CCDC68: variants seen among roughly 807,000 people sequenced by gnomAD.
CCDC68 encodes the protein coiled-coil domain-containing protein 68.
In CCDC68, 45 loss-of-function variants were observed where a neutral mutation model predicts 47.1. The observed-to-expected ratio is 0.96, with a 90% confidence interval of 0.75 to 1.23. CCDC68 has a LOEUF of 1.23. CCDC68 is among the 50% of genes most tolerant of loss of function. The pLI is 0.00. For synonymous variants in CCDC68, 131 were observed against 129.5 expected (o/e 1.01, Z -0.08); for missense variants, 353 against 373.6 (o/e 0.94, Z 0.45).
chr18:54,905,014 C>G (rs1158258845), intron 11 of CCDC68, among the ~76,000 whole-genome samples: 3 of 152,056 alleles, frequency 2.0e-5, no homozygotes, highest in African/African-American at 7.2e-5. Flanking sequence ...AATCCCAACA[C>G]TTTGGGAGGC....
intron 10 of CCDC68, among the ~76,000 whole-genome samples, chr18:54,910,860 GC>G (rs1914321842): frequency 1.3e-5 from 2 of 152,230 alleles, no homozygotes; most frequent in Admixed American, 6.5e-5. Flanking sequence ...TGGGGAGGGT[GC>G]CAACAGCAGG....
chr18:54,919,472 T>TCCCCAGTAGCAGTAG, intron 8 of CCDC68, 96 bp from the exon 9 acceptor site: 1 of 985,812 alleles, frequency 1.0e-6, no homozygotes, highest in Non-Finnish European at 1.6e-6. Flanking sequence ...ACTCTACTGC[T>TCCCCAGTAGCAGTAG]ACTGGGGATC....
chr18:54,957,625 A>ACTCTCTCT (rs773661012), intron 1 of CCDC68, among the ~76,000 whole-genome samples: 2,264 of 133,370 alleles, frequency 0.017, 20 homozygotes, highest in Non-Finnish European at 0.02. Context: ...ACACACACAC[A>ACTCTCTCT]CACTCTCTCT....
intron 7 of CCDC68, among the ~76,000 whole-genome samples, chr18:54,932,882 A>G (rs1371076867): frequency 6.6e-6 from 1 of 152,214 alleles, no homozygotes; most frequent in Non-Finnish European, 1.5e-5. Flanking sequence ...CAATCCAGAT[A>G]TACTACATTG....
At chr18:54,938,491 C>T (rs569712586) in intron 4 of CCDC68, among the ~76,000 whole-genome samples, 1 of 152,288 alleles carries the variant, frequency 6.6e-6, no homozygotes, top group African/African-American at 2.4e-5. Flanking sequence ...AGTTACAATA[C>T]ATAATAGTCA....
intron 4 of CCDC68, among the ~76,000 whole-genome samples, chr18:54,939,008 C>T (rs1236033470): frequency 6.6e-6 from 1 of 152,192 alleles, no homozygotes; most frequent in African/African-American, 2.4e-5. Flanking sequence ...GAGAGTTTAA[C>T]TAACACACCT....
intron 6 of CCDC68, among the ~76,000 whole-genome samples, chr18:54,936,261 A>AAATATATAGTTATATATTTTTAAAT (rs1340707865): frequency 1.4e-5 from 2 of 145,544 alleles, no homozygotes; most frequent in Non-Finnish European, 3.0e-5. Context: ...ATATATTTAA[A>AAATATATAGTTATATATTTTTAAAT]AATATATAGT....
At chr18:54,958,417 T>C (rs2044749164) in intron 1 of CCDC68, among the ~76,000 whole-genome samples, 1 of 152,192 alleles carries the variant, frequency 6.6e-6, no homozygotes, top group South Asian at 2.1e-4. Flanking sequence ...TTAATGGCAT[T>C]AGGTAAAATC....
intron 6 of CCDC68, 151 bp downstream of exon 6, chr18:54,936,682 G>T: frequency 3.2e-6 from 3 of 927,832 alleles, no homozygotes; most frequent in South Asian, 1.7e-5. Context: ...AGAGAAATTG[G>T]CAAAAGAGAC....
In CCDC68 at chr18:54,928,850, A is replaced by G; in HGVS notation, c.633T>C (p.Ser211=). ...TGAGTTGCAGTAGCTTGTTTTCCAAAGACAGTTTTCTTTCTAGTAGTGTTC... is the reference window on the plus strand; with the variant it reads ...TGAGTTGCAGTAGCTTGTTTTCCAAGGACAGTTTTCTTTCTAGTAGTGTTC... ...EKRTLLERKL[S]LENKLLQLKS... The change falls in exon 8 of 12, where the codon TCT becomes TCC. Residue 211 remains serine (S), a synonymous_variant. Coordinates refer to ENST00000591504, the MANE Select transcript of CCDC68 (RefSeq NM_025214.3). 1.2e-6 allele frequency: 2 copies of G among 1,612,774 alleles called. No individual in the cohort carries two copies. Among genetic ancestry groups the G allele is most frequent in the African/African-American group, 1.3e-5 (1 of 75,028 alleles).
intron 2 of CCDC68, among the ~76,000 whole-genome samples, chr18:54,944,547 C>T (rs953486532): frequency 3.9e-5 from 6 of 151,944 alleles, no homozygotes; most frequent in South Asian, 2.1e-4. Context: ...AAGAAAAACC[C>T]GCAACAACCA....
chr18:54,936,269 AGTT>A lies in CCDC68; in HGVS notation c.471+561_471+563del, dbSNP rs1599071025. Among the ~76,000 whole-genome samples, 3 of 145,730 alleles carry A rather than the reference AGTT, an allele frequency of 2.1e-5. No individual in the cohort carries two copies. In the East Asian group the frequency reaches 5.9e-4, roughly 28 times the overall value. ...TAGTTATATATATTTAAAAATATAT[AGTT>A]ATATATTTTTAAATAATATATAAAA... On this transcript the variant is annotated intron_variant, in intron 6 of 11. Coordinates refer to ENST00000591504, the MANE Select transcript of CCDC68 (RefSeq NM_025214.3).
At chr18:54,951,203 C>T (rs558701923) in intron 1 of CCDC68, among the ~76,000 whole-genome samples, 2 of 151,702 alleles carry the variant, frequency 1.3e-5, no homozygotes, top group African/African-American at 2.4e-5. Context: ...CCACCGCGCC[C>T]GGCCCAGATG....
intron 11 of CCDC68, among the ~76,000 whole-genome samples, chr18:54,905,134 G>A (rs1222373020): frequency 6.6e-6 from 1 of 151,778 alleles, no homozygotes; most frequent in African/African-American, 2.4e-5. Flanking sequence ...TGTGCCTGTA[G>A]CCCTAGCTAC....
Position 54,902,865 on chromosome 18 carries a change from G to A in CCDC68, c.*1493C>T, listed in dbSNP as rs897229820. Reference sequence around the variant, plus strand: ...TGGGCAAATTACTCAACCACTCTCAGTATCTTTCTCTGTAAAACAGGAATA... The same window carrying A: ...TGGGCAAATTACTCAACCACTCTCAATATCTTTCTCTGTAAAACAGGAATA... On this transcript the variant is annotated 3_prime_UTR_variant, in exon 12 of 12. Transcript: ENST00000591504. The A allele has an allele frequency of 1.3e-5, 2 of 152,160 alleles. No homozygotes were observed. The highest frequency in any genetic ancestry group is 4.8e-5 in the African/African-American group (2 of 41,446). The allele number at this position is 152,160 out of a possible 1,614,324, so 9.4% of individuals were successfully genotyped here.
chr18:54,935,038 C>G (rs1315634399), intron 6 of CCDC68, 90 bp from the exon 7 acceptor site: 9 of 1,023,990 alleles, frequency 8.8e-6, no homozygotes, highest in Non-Finnish European at 1.2e-5. Context: ...TCTAATTAGC[C>G]AAAAAAATTC....
At chr18:54,917,280 T>C (rs762320112) in intron 10 of CCDC68, among the ~76,000 whole-genome samples, 17 of 152,112 alleles carry the variant, frequency 1.1e-4, no homozygotes, top group Non-Finnish European at 1.9e-4. Context: ...AGGATGGATG[T>C]GAATGAAGAA....
chr18:54,940,731 A>G (rs1242300475), intron 4 of CCDC68, among the ~76,000 whole-genome samples: 1 of 152,248 alleles, frequency 6.6e-6, no homozygotes, highest in African/African-American at 2.4e-5. Context: ...TGTTGCTGTC[A>G]TGGATCTTGG....
At chr18:54,923,843 C>A (rs966062003) in intron 8 of CCDC68, among the ~76,000 whole-genome samples, 6 of 152,014 alleles carry the variant, frequency 3.9e-5, no homozygotes, top group East Asian at 1.9e-4. Flanking sequence ...TCTTGAGTAG[C>A]TGGGAATTAC....
Sources: gnomAD v4.1 joint callset for allele counts (sites outside exome capture counted in the v4.1 genomes callset) on GRCh38, gnomAD v4.1.1 for gene constraint, MANE v1.5 for transcripts, NCBI Gene and HGNC (gene_info 2026-07-23, HGNC 2026-07-21) for gene names.